DDX60: variants seen among roughly 807,000 people sequenced by gnomAD.
DDX60 encodes the protein probable ATP-dependent RNA helicase DDX60.
Under a neutral mutation model 212.8 loss-of-function variants are expected in DDX60, and 165 were observed. The ratio of observed to expected loss-of-function variants is 0.78; its 90% CI spans 0.68 to 0.88. DDX60 has a LOEUF of 0.88. Among genes scored for constraint, DDX60 ranks in the 40% least tolerant of loss-of-function variants. DDX60 has a pLI of 0.00. For missense variants in DDX60, 1,905 were observed against 2,003.9 expected, an observed-to-expected ratio of 0.95 and a Z score of 0.94; for synonymous variants, 703 against 685.3, an observed-to-expected ratio of 1.03 and a Z score of -0.40.
Position 168,220,732 on chromosome 4 carries a change from A to G in DDX60, c.4977-15T>C. On this transcript the variant is annotated splice_polypyrimidine_tract_variant and intron_variant, in intron 36 of 37. Transcript: ENST00000393743. ...CTTCATTCATCCTAAAGAAAACAAC[A>G]TTTTGAAAATTAATAATACAAAACA... The G allele has an allele frequency of 7.6e-7, 1 of 1,322,362 alleles. No homozygotes were observed. The allele number at this position is 1,322,362 out of a possible 1,614,324, so 81.9% of individuals were successfully genotyped here.
At chr4:168,324,243 G>A in the DDX60 span, among the ~76,000 whole-genome samples, 1 of 152,188 alleles carries the variant, frequency 6.6e-6, no homozygotes, top group African/African-American at 2.4e-5. Flanking sequence ...TGGGGGCTGT[G>A]AGAGCCTCTG....
Position 168,275,350 on chromosome 4 carries a change from A to G in DDX60, c.2299T>C (p.Trp767Arg). The change falls in exon 16 of 38, where the codon TGG becomes CGG. Residue 767 changes from tryptophan (W) to arginine (R), a missense_variant. Transcript: ENST00000393743. Reference protein sequence around the residue: ...PRVQDFIPDTWQRELLDVVDK... With the variant: ...PRVQDFIPDTRQRELLDVVDK... ...TGTTTCATTTGCAGTATTACCTGCCATGTGTCGGGAATAAAATCCTGGACC... is the reference window on the plus strand; with the variant it reads ...TGTTTCATTTGCAGTATTACCTGCCGTGTGTCGGGAATAAAATCCTGGACC... 6.2e-7 allele frequency: 1 copy of G among 1,604,828 alleles called. No individual in the cohort carries two copies. The highest frequency in any genetic ancestry group is 8.5e-7 in the Non-Finnish European group (1 of 1,176,298).
In DDX60 at chr4:168,246,576, C is replaced by T. The variant is rs1165787039; in HGVS notation, c.4006G>A (p.Asp1336Asn). 3.1e-6 allele frequency: 5 copies of T among 1,614,080 alleles called. No individual in the cohort carries two copies. The Admixed American group carries it at 5.0e-5, about 16-fold the overall frequency. ...AATGGAATATCAAAGAAATATACAT[C>T]TCCCATCAGGTCTTGACCTCTTCTT... is the stretch of plus-strand genomic sequence containing the variant. ...AGRRGQDLMG[D>N]VYFFDIPFPK... The change falls in exon 30 of 38, where the codon GAT becomes AAT. Residue 1336 changes from aspartate to asparagine, a missense_variant. Asp to Asn is a conservative substitution (Grantham distance 23). Transcript: ENST00000393743.
chr4:168,224,104 T>C (rs1733161195), intron 35 of DDX60, 139 bp downstream of exon 35: 4 of 870,908 alleles, frequency 4.6e-6, no homozygotes, highest in Non-Finnish European at 7.0e-6. Context: ...CACCAATTCC[T>C]GAATATATCT....
At chr4:168,271,902 A>G in intron 19 of DDX60, 141 bp downstream of exon 19, 1 of 665,676 alleles carries the variant, frequency 1.5e-6, no homozygotes, top group South Asian at 2.1e-5. Flanking sequence ...TTTTTCCTGA[A>G]AAATCACTCA....
rs1479252966 is a variant in DDX60 at position 168,220,656 on chromosome 4, T to C, written c.5038A>G (p.Ser1680Gly). ...KDFALTIKSI[S>G]VSLRELCENE... ...TCAATATTTAAATATATAACACACCTGATAGATTTAATGGTGAGTGCAAAA... is the reference window on the plus strand; with the variant it reads ...TCAATATTTAAATATATAACACACCCGATAGATTTAATGGTGAGTGCAAAA... Residue 1680 changes from serine to glycine, a missense_variant and splice_region_variant, in exon 37 of 38, where the codon AGT becomes GGT. Transcript: ENST00000393743. 1.4e-6 allele frequency: 2 copies of C among 1,422,696 alleles called. No individual in the cohort carries two copies. Among genetic ancestry groups the C allele is most frequent in the Non-Finnish European group, 1.9e-6 (2 of 1,056,106 alleles). The allele number at this position is 1,422,696 out of a possible 1,614,324, so 88.1% of individuals were successfully genotyped here.
Position 168,287,175 on chromosome 4 carries a change from A to T in DDX60, c.1212T>A (p.Ile404=), listed in dbSNP as rs1735897492. 2.5e-6 allele frequency: 4 copies of T among 1,609,608 alleles called. No homozygotes were observed. Among genetic ancestry groups the T allele is most frequent in the Non-Finnish European group, 3.4e-6 (4 of 1,178,512 alleles). ...KGLHLNLGDT[I]MKDYEYLWNT... ...TCCAGAGATATTCATAATCTTTCAT[A>T]ATGGTATCTCCCAAATTCAAATGTA... The change falls in exon 10 of 38, where the codon ATT becomes ATA. Residue 404 remains isoleucine (I), a synonymous_variant. Coordinates refer to ENST00000393743, the MANE Select transcript of DDX60 (RefSeq NM_017631.6).
chr4:168,302,143 TAATTTCCTGGTTTTCATAAA>T (rs1736673726), intron 6 of DDX60, among the ~76,000 whole-genome samples, 137 bp downstream of exon 6: 1 of 152,260 alleles, frequency 6.6e-6, no homozygotes, highest in Non-Finnish European at 1.5e-5. Flanking sequence ...GACACAATGT[TAATTTCCTGGTTTTCATAAA>T]TGTTCCGTGG....
chr4:168,255,280 T>A (rs774580025), intron 26 of DDX60, among the ~76,000 whole-genome samples: 5 of 152,212 alleles, frequency 3.3e-5, no homozygotes, highest in Non-Finnish European at 7.3e-5. Flanking sequence ...ATTCTCAAGT[T>A]CTTTTTATGA....
intron 30 of DDX60, 52 bp from the exon 31 acceptor site, chr4:168,237,847 C>A: frequency 7.6e-7 from 1 of 1,322,692 alleles, no homozygotes; most frequent in South Asian, 1.4e-5. Context: ...TTACGAAATA[C>A]GTTTGAAAAT....
intron 19 of DDX60, among the ~76,000 whole-genome samples, chr4:168,270,092 T>C (rs979053258): frequency 6.6e-6 from 1 of 152,212 alleles, no homozygotes; most frequent in Admixed American, 6.5e-5. Context: ...ATTAAACTGC[T>C]GTCAGCTCCA....
At chr4:168,259,849 A>G (rs1341299477) in intron 25 of DDX60, among the ~76,000 whole-genome samples, 1 of 151,988 alleles carries the variant, frequency 6.6e-6, no homozygotes, top group African/African-American at 2.4e-5. Context: ...AATTAAATAT[A>G]ATAAAATACA....
intron 35 of DDX60, among the ~76,000 whole-genome samples, chr4:168,222,615 T>C (rs574068052): frequency 9.9e-5 from 15 of 152,268 alleles, no homozygotes; most frequent in Admixed American, 9.2e-4. Flanking sequence ...TAAAATTTAA[T>C]AATTTGCAGG....
chr4:168,247,985 G>T (rs1238065774), intron 29 of DDX60, among the ~76,000 whole-genome samples: 1 of 152,160 alleles, frequency 6.6e-6, no homozygotes, highest in Non-Finnish European at 1.5e-5. Flanking sequence ...CTCATCCGAG[G>T]TCACACATCT....
At chr4:168,255,637 A>T in intron 26 of DDX60, 74 bp downstream of exon 26, 1 of 1,286,174 alleles carries the variant, frequency 7.8e-7, no homozygotes, top group Non-Finnish European at 1.1e-6. Context: ...GAACATATTC[A>T]ATTTACGTTT....
chr4:168,267,683 C>T lies in DDX60; in HGVS notation c.2938G>A (p.Gly980Arg), dbSNP rs762555136. 14 of 1,582,868 alleles carry T rather than the reference C, an allele frequency of 8.8e-6. No homozygotes were observed. Among genetic ancestry groups the T allele is most frequent in the Non-Finnish European group, 1.1e-5 (13 of 1,166,196 alleles). The change falls in exon 22 of 38, where the codon GGA (glycine) becomes AGA (arginine). Residue 980 changes from glycine to arginine, a missense_variant. Coordinates refer to ENST00000393743, the MANE Select transcript of DDX60 (RefSeq NM_017631.6). ...QSYKVRLVLY[G>R]ERYNDLEKHV... ...TTCTCTAGATCATTATACCTCTCTC[C>T]ATAGAGCACTAAAAATGAAGAACAA...
chr4:168,264,489 T>C (rs1386359739), intron 22 of DDX60, among the ~76,000 whole-genome samples: 3 of 152,184 alleles, frequency 2.0e-5, no homozygotes, highest in South Asian at 2.1e-4. Flanking sequence ...AATAAAAACA[T>C]ACAATAAATC....
intron 30 of DDX60, among the ~76,000 whole-genome samples, chr4:168,244,099 T>C (rs1560823085): frequency 1.3e-5 from 2 of 152,114 alleles, no homozygotes; most frequent in Non-Finnish European, 2.9e-5. Context: ...TACCAGGGCC[T>C]GTTGGGGCAG....
chr4:168,322,928 T>C (rs1357878372), upstream of DDX60, among the ~76,000 whole-genome samples: 3 of 152,194 alleles, frequency 2.0e-5, no homozygotes, highest in Non-Finnish European at 4.4e-5. Flanking sequence ...GATTGTTTGA[T>C]TGAATAATTT....
Sources: allele counts gnomAD v4.1 joint callset (sites outside exome capture counted in the v4.1 genomes callset), GRCh38; gene constraint gnomAD v4.1.1; transcripts MANE v1.5; gene names NCBI Gene and HGNC (gene_info 2026-07-23, HGNC 2026-07-21).